The following DAB1 variants were observed in gnomAD, a reference collection of about 807,000 sequenced individuals.
The protein encoded by DAB1 is disabled homolog 1.
In DAB1, 15 loss-of-function variants were observed where a neutral mutation model predicts 64.6. The observed-to-expected ratio is 0.23, with a 90% confidence interval of 0.16 to 0.36. The LOEUF (loss-of-function observed/expected upper bound fraction) is 0.36. Among genes scored for constraint, DAB1 ranks in the 10% least tolerant of loss-of-function variants. The pLI is 1.00. For missense variants in DAB1, 596 were observed against 706.7 expected, an observed-to-expected ratio of 0.84 and a Z score of 1.78; for synonymous variants, 235 against 251.9, an observed-to-expected ratio of 0.93 and a Z score of 0.64.
intron 5 of DAB1, among the ~76,000 whole-genome samples, chr1:58,101,500 G>C (rs1651322119): frequency 6.6e-6 from 1 of 152,014 alleles, no homozygotes; most frequent in African/African-American, 2.4e-5. Flanking sequence ...CATTAAAACG[G>C]GGCTACCTGA....
At position 57,011,173 on chromosome 1, in the gene DAB1, C is replaced by T. The variant is rs778286361; in HGVS notation, c.1544G>A (p.Ser515Asn). 2.5e-6 allele frequency: 4 copies of T among 1,614,050 alleles called. No individual in the cohort carries two copies. The highest frequency in any genetic ancestry group is 3.4e-6 in the Non-Finnish European group (4 of 1,179,924). ...TTCTTGCTCTTCGCTTTTGCTGGGA[C>T]TTTCAAAGCCCTCTTCAAAGATGTC... Reference protein sequence around the residue: ...TDDIFEEGFESPSKSEEQEAP... With the variant: ...TDDIFEEGFENPSKSEEQEAP... Residue 515 changes from serine (S) to asparagine (N), a missense_variant, in exon 13 of 15, where the codon AGT becomes AAT. By Grantham distance (46) the Ser-to-Asn change is conservative (BLOSUM62 1). Coordinates refer to ENST00000371236, the MANE Select transcript of DAB1 (RefSeq NM_001365792.1).
Position 57,812,686 on chromosome 1 carries a change from T to A in DAB1, n.551+71313A>T, listed in dbSNP as rs139760403. Among the ~76,000 whole-genome samples, 218 of 152,350 alleles carry A rather than the reference T, an allele frequency of 1.4e-3. 1 individual carries two copies. The highest frequency in any genetic ancestry group is 5.0e-3 in the African/African-American group (207 of 41,588). On this transcript the variant is annotated intron_variant and non_coding_transcript_variant, in intron 6 of 20. Coordinates refer to the DAB1 transcript ENST00000485760. ...CTCATTCAGATTCACAAACAGTAAA[T>A]GGCATTGTTAAATGCAATCTTGTCA...
intron 5 of DAB1, among the ~76,000 whole-genome samples, chr1:58,040,613 G>A (rs907356657): frequency 4.6e-5 from 7 of 152,152 alleles, no homozygotes; most frequent in African/African-American, 1.7e-4. Flanking sequence ...AGAACCTTCA[G>A]GCTAAATGAG....
At chr1:57,061,116 C>G (rs750619511) in intron 9 of DAB1, among the ~76,000 whole-genome samples, 11 of 150,814 alleles carry the variant, frequency 7.3e-5, no homozygotes, top group Non-Finnish European at 1.6e-4. Context: ...TTTCCCTGAA[C>G]AGTACAACAC....
At chr1:58,484,244 G>A (rs1645537077) in intron 3 of DAB1, among the ~76,000 whole-genome samples, 1 of 151,990 alleles carries the variant, frequency 6.6e-6, no homozygotes, top group Non-Finnish European at 1.5e-5. Context: ...GTGTCTATTT[G>A]GCTTTTATAA....
intron 5 of DAB1, among the ~76,000 whole-genome samples, chr1:58,106,126 TTTTCTTTCTC>T (rs1269943194): frequency 6.6e-6 from 1 of 151,704 alleles, no homozygotes; most frequent in Non-Finnish European, 1.5e-5. Flanking sequence ...TTCTTCCTTC[TTTTCTTTCTC>T]TTTCTTTCTT....
chr1:58,059,378 G>A (rs1648346341), intron 5 of DAB1, among the ~76,000 whole-genome samples: 1 of 152,206 alleles, frequency 6.6e-6, no homozygotes, highest in Non-Finnish European at 1.5e-5. Context: ...TAAGAAGGTT[G>A]TTGAGACAAT....
intron 7 of DAB1, among the ~76,000 whole-genome samples, chr1:57,634,710 C>T (rs1646030471): frequency 6.6e-6 from 1 of 152,140 alleles, no homozygotes. Flanking sequence ...CAGCAATATC[C>T]TTGTAAACAA....
rs553489211 is a variant in DAB1, at chr1:57,162,603, G to T, written c.68-17174C>A. Among the ~76,000 whole-genome samples, 3 of 152,280 alleles carry T rather than the reference G, an allele frequency of 2.0e-5. No individual in the cohort carries two copies. In the South Asian group the frequency reaches 6.2e-4, roughly 32 times the overall value. Reference sequence around the variant, plus strand: ...TTCTGTAGCAGCTACAACTTCCATGGGGTCACCTCCATTAGAAAAAATCCA... The same window carrying T: ...TTCTGTAGCAGCTACAACTTCCATGTGGTCACCTCCATTAGAAAAAATCCA... On this transcript the variant is annotated intron_variant, in intron 2 of 14. Coordinates refer to ENST00000371236, the MANE Select transcript of DAB1 (RefSeq NM_001365792.1).
chr1:58,532,108 C>A (rs1646443292), intron 1 of DAB1, among the ~76,000 whole-genome samples: 1 of 152,126 alleles, frequency 6.6e-6, no homozygotes, highest in Non-Finnish European at 1.5e-5. Flanking sequence ...TGCTATTATA[C>A]AGTCTTAGAA....
At chr1:57,919,649 C>A (rs1368027072) in intron 5 of DAB1, among the ~76,000 whole-genome samples, 3 of 152,102 alleles carry the variant, frequency 2.0e-5, no homozygotes, top group South Asian at 2.1e-4. Flanking sequence ...GAACTGTCTT[C>A]ATTTGAAAAA....
Position 57,107,548 on chromosome 1 carries a change from A to T in DAB1, c.306+28995T>A, listed in dbSNP as rs142245218. Among the ~76,000 whole-genome samples the T allele has an allele frequency of 4.7e-3, 719 of 152,196 alleles. 6 individuals are homozygous for T. Among genetic ancestry groups the T allele is most frequent in the African/African-American group, 0.016 (679 of 41,530 alleles). ...ACAGGGATACCCCCACCCAGAACACAGTGTGATACGTGCCGTCCTGCAGGA... is the reference window on the plus strand; with the variant it reads ...ACAGGGATACCCCCACCCAGAACACTGTGTGATACGTGCCGTCCTGCAGGA... On this transcript the variant is annotated intron_variant, in intron 4 of 14. Coordinates refer to ENST00000371236, the MANE Select transcript of DAB1 (RefSeq NM_001365792.1).
intron 3 of DAB1, among the ~76,000 whole-genome samples, chr1:58,364,985 C>A (rs1334910793): frequency 6.6e-6 from 1 of 152,208 alleles, no homozygotes; most frequent in Non-Finnish European, 1.5e-5. Flanking sequence ...ATGAGATATG[C>A]ACTTACCAAG....
At chr1:57,464,273 T>C (rs1445157137) in intron 7 of DAB1, among the ~76,000 whole-genome samples, 1 of 152,166 alleles carries the variant, frequency 6.6e-6, no homozygotes, top group Non-Finnish European at 1.5e-5. Flanking sequence ...GGGAATCTTT[T>C]TTATAGGATG....
chr1:57,632,536 A>G (rs936378960), intron 7 of DAB1, among the ~76,000 whole-genome samples: 3 of 152,182 alleles, frequency 2.0e-5, no homozygotes, highest in Non-Finnish European at 2.9e-5. Context: ...GGATGCCATC[A>G]ATAAATTCAC....
intron 1 of DAB1, among the ~76,000 whole-genome samples, chr1:57,420,226 A>T (rs1479285156): frequency 1.3e-5 from 2 of 152,114 alleles, no homozygotes; most frequent in African/African-American, 4.8e-5. Context: ...TTCTCCATTA[A>T]ATTTTACACC....
chr1:57,718,798 A>G (rs1647115830), intron 6 of DAB1, among the ~76,000 whole-genome samples: 1 of 152,220 alleles, frequency 6.6e-6, no homozygotes, highest in South Asian at 2.1e-4. Context: ...TATAATTGAA[A>G]TATTCAATCA....
chr1:57,179,699 T>C (rs1318371565), intron 2 of DAB1, among the ~76,000 whole-genome samples: 2 of 152,138 alleles, frequency 1.3e-5, no homozygotes, highest in South Asian at 2.1e-4. Flanking sequence ...TTGAAAGCCA[T>C]TGGGGAAACG....
upstream of DAB1, among the ~76,000 whole-genome samples, chr1:57,428,923 T>A (rs1037710303): frequency 6.6e-6 from 1 of 150,902 alleles, no homozygotes; most frequent in South Asian, 2.1e-4. Flanking sequence ...GTTTGCTTTT[T>A]TTTTTTTGAG....
Sources: gnomAD v4.1 joint callset for allele counts (sites outside exome capture counted in the v4.1 genomes callset) on GRCh38, gnomAD v4.1.1 for gene constraint, MANE v1.5 for transcripts, NCBI Gene and HGNC (gene_info 2026-07-23, HGNC 2026-07-21) for gene names.